Variants in PPFIA2 observed in about 807,000 individuals in gnomAD.
The protein encoded by PPFIA2 is PPFI scaffold protein A2, also known as liprin-alpha-2.
In PPFIA2, 46 loss-of-function variants were observed where a neutral mutation model predicts 175.5. The ratio of observed to expected loss-of-function variants is 0.26; its 90% CI spans 0.21 to 0.34. PPFIA2 has a LOEUF of 0.34. PPFIA2 is among the 10% of genes least tolerant of loss of function. The pLI is 1.00. For missense variants in PPFIA2, 1,179 were observed against 1,506.1 expected (o/e 0.78, Z 3.60); for synonymous variants, 568 against 511.4 (o/e 1.11, Z -1.49).
chr12:81,640,794 CAT>C (rs2064861568), intron 4 of PPFIA2, among the ~76,000 whole-genome samples: 1 of 151,994 alleles, frequency 6.6e-6, no homozygotes, highest in South Asian at 2.1e-4. Flanking sequence ...ACATTAAGTA[CAT>C]AGTTATTTAT....
chr12:81,748,240 A>C (rs2153661455), intron 3 of PPFIA2, among the ~76,000 whole-genome samples: 1 of 144,712 alleles, frequency 6.9e-6, no homozygotes, highest in Non-Finnish European at 1.6e-5. Flanking sequence ...ACTTCACCAG[A>C]AGGTTATCAC....
intron 3 of PPFIA2, among the ~76,000 whole-genome samples, chr12:81,714,322 C>T (rs1306521170): frequency 1.3e-5 from 2 of 150,842 alleles, no homozygotes; most frequent in East Asian, 4.0e-4. Context: ...TCTAGGATGA[C>T]TTCGAAATTC....
At chr12:81,721,529 A>G (rs2079340084) in intron 3 of PPFIA2, among the ~76,000 whole-genome samples, 1 of 151,196 alleles carries the variant, frequency 6.6e-6, no homozygotes, top group African/African-American at 2.4e-5. Flanking sequence ...AACTTCTCCC[A>G]GTGATTAGCT....
chr12:81,666,210 T>G (rs1377275827), intron 4 of PPFIA2, among the ~76,000 whole-genome samples: 3 of 152,192 alleles, frequency 2.0e-5, no homozygotes, highest in Non-Finnish European at 4.4e-5. Context: ...TGGCGATTCC[T>G]CAAGGATCTA....
chr12:81,437,219 C>A (rs897304718), intron 7 of PPFIA2, among the ~76,000 whole-genome samples: 1 of 151,994 alleles, frequency 6.6e-6, no homozygotes, highest in Non-Finnish European at 1.5e-5. Context: ...AGTTGCTATT[C>A]CTGGAGCAAA....
At chr12:81,756,580 C>T (rs1383167145) in intron 2 of PPFIA2, among the ~76,000 whole-genome samples, 1 of 151,960 alleles carries the variant, frequency 6.6e-6, no homozygotes, top group Non-Finnish European at 1.5e-5. Flanking sequence ...GATTTGATTC[C>T]ACTCCTAAGG....
chr12:81,543,717 C>T (rs1347184719), intron 4 of PPFIA2, among the ~76,000 whole-genome samples: 2 of 152,108 alleles, frequency 1.3e-5, no homozygotes, highest in Non-Finnish European at 2.9e-5. Context: ...AGTGAAGAAA[C>T]CCGACAAACA....
At chr12:81,589,711 A>G (rs1388498572) in intron 4 of PPFIA2, among the ~76,000 whole-genome samples, 4 of 152,116 alleles carry the variant, frequency 2.6e-5, no homozygotes, top group Non-Finnish European at 5.9e-5. Context: ...CAGAAAAACT[A>G]TATTACTCCC....
At chr12:81,369,081 T>A (rs369870203) in intron 12 of PPFIA2, 30 bp downstream of exon 12, 2 of 1,511,808 alleles carry the variant, frequency 1.3e-6, no homozygotes, top group African/African-American at 2.8e-5. Flanking sequence ...AAACCAATGA[T>A]TGGGGGGTAA....
intron 22 of PPFIA2, among the ~76,000 whole-genome samples, chr12:81,303,510 A>T (rs992906924): frequency 1.3e-5 from 2 of 152,222 alleles, no homozygotes; most frequent in Non-Finnish European, 2.9e-5. Context: ...GAGACAGTAC[A>T]ACTTCTGAAT....
chr12:81,554,683 A>T lies in PPFIA2; in HGVS notation c.304-96817T>A, dbSNP rs543894355. On this transcript the variant is annotated intron_variant, in intron 4 of 32. Transcript: ENST00000549396. ...AAGCAACAAGGGGAGTTTGAGGTGT[A>T]GTGAATAGTTTCTTAGAAGAACAAC... 6.6e-5 allele frequency among the ~76,000 whole-genome samples: 10 copies of T among 152,188 alleles called. No homozygotes were observed. In the East Asian group the frequency reaches 9.7e-4, roughly 15 times the overall value.
intron 4 of PPFIA2, among the ~76,000 whole-genome samples, chr12:81,510,678 G>A (rs997504926): frequency 2.0e-5 from 3 of 152,042 alleles, no homozygotes; most frequent in East Asian, 1.9e-4. Flanking sequence ...AGAATAACCC[G>A]TGGAATTTCT....
chr12:81,692,708 G>A (rs1301936986), intron 3 of PPFIA2, among the ~76,000 whole-genome samples: 1 of 152,028 alleles, frequency 6.6e-6, no homozygotes, highest in Non-Finnish European at 1.5e-5. Flanking sequence ...GATTGATGTT[G>A]ACAACTATCA....
chr12:81,748,849 T>C (rs1172601113), intron 3 of PPFIA2, among the ~76,000 whole-genome samples: 2 of 144,528 alleles, frequency 1.4e-5, no homozygotes, highest in African/African-American at 4.9e-5. Flanking sequence ...CACCCCAAAT[T>C]CTCCAGATTA....
intron 4 of PPFIA2, among the ~76,000 whole-genome samples, chr12:81,654,121 G>A (rs2153536511): frequency 6.6e-6 from 1 of 151,480 alleles, no homozygotes; most frequent in East Asian, 1.9e-4. Context: ...TCTGTAGAAT[G>A]AAAAGTACTA....
At chr12:81,512,649 A>G (rs921442100) in intron 4 of PPFIA2, among the ~76,000 whole-genome samples, 6 of 151,846 alleles carry the variant, frequency 4.0e-5, no homozygotes, top group South Asian at 4.2e-4. Context: ...CGAGCAATAT[A>G]CTGTATACTC....
chr12:81,567,004 A>C (rs187463875), intron 4 of PPFIA2, among the ~76,000 whole-genome samples: 1 of 152,308 alleles, frequency 6.6e-6, no homozygotes, highest in East Asian at 1.9e-4. Context: ...TAAAATATGT[A>C]ATTGTTGTAT....
At chr12:81,493,787 T>TATATATATATATATATATATAC (rs1491517743) in intron 4 of PPFIA2, among the ~76,000 whole-genome samples, 1 of 128,350 alleles carries the variant, frequency 7.8e-6, no homozygotes, top group Non-Finnish European at 1.6e-5. Flanking sequence ...TATATATATA[T>TATATATATATATATATATATAC]ACACATTGGA....
At chr12:81,270,401 G>C (rs751141149) in intron 28 of PPFIA2, among the ~76,000 whole-genome samples, 1 of 152,106 alleles carries the variant, frequency 6.6e-6, no homozygotes, top group Non-Finnish European at 1.5e-5. Context: ...ACCTAAGAAT[G>C]TAACCTTACT....
Sources: allele counts gnomAD v4.1 joint callset (sites outside exome capture counted in the v4.1 genomes callset), GRCh38; gene constraint gnomAD v4.1.1; transcripts MANE v1.5; gene names NCBI Gene and HGNC (gene_info 2026-07-23, HGNC 2026-07-21).